The following MLLT3 variants were observed in gnomAD, a reference collection of about 807,000 sequenced individuals.
MLLT3 encodes protein AF-9.
MLLT3 carries 4 observed loss-of-function variants against 53.2 expected under a neutral mutation model. That is an observed-to-expected ratio of 0.08 (90% confidence interval 0.04 to 0.17). The LOEUF (loss-of-function observed/expected upper bound fraction) is 0.17. Among genes scored for constraint, MLLT3 ranks in the 10% least tolerant of loss-of-function variants. The probability of loss-of-function intolerance (pLI) is 1.00; values close to 1 mark genes in which losing one functional copy is unlikely to be tolerated. For synonymous variants in MLLT3, 283 were observed against 230.6 expected, an observed-to-expected ratio of 1.23 and a Z score of -2.06; for missense variants, 569 against 684.0, an observed-to-expected ratio of 0.83 and a Z score of 1.87.
chr9:20,575,226 T>A (rs974318154), intron 2 of MLLT3, among the ~76,000 whole-genome samples: 6 of 152,190 alleles, frequency 3.9e-5, no homozygotes, highest in African/African-American at 1.2e-4. Context: ...CCTCCTCCAA[T>A]GAATCACAAA....
At chr9:20,430,093 C>A (rs887979460) in intron 4 of MLLT3, among the ~76,000 whole-genome samples, 2 of 151,880 alleles carry the variant, frequency 1.3e-5, no homozygotes, top group Non-Finnish European at 2.9e-5. Context: ...ACATCAGGAA[C>A]AAACAGGAAA....
intron 2 of MLLT3, among the ~76,000 whole-genome samples, chr9:20,474,541 A>G (rs544637527): frequency 1.3e-5 from 2 of 152,186 alleles, no homozygotes; most frequent in Admixed American, 6.6e-5. Context: ...TCTACCACCA[A>G]AAGACTCTGC....
chr9:20,510,082 A>G (rs1305835959), intron 2 of MLLT3, among the ~76,000 whole-genome samples: 1 of 152,178 alleles, frequency 6.6e-6, no homozygotes, highest in Non-Finnish European at 1.5e-5. Flanking sequence ...GATAAATATT[A>G]AATATTTCTG....
intron 4 of MLLT3, among the ~76,000 whole-genome samples, chr9:20,425,381 G>T (rs1275883498): frequency 6.6e-6 from 1 of 152,136 alleles, no homozygotes; most frequent in African/African-American, 2.4e-5. Context: ...GGTTCAGGAA[G>T]ATTAGAACAT....
chr9:20,371,212 T>C (rs934320439), intron 5 of MLLT3, among the ~76,000 whole-genome samples: 8 of 152,300 alleles, frequency 5.3e-5, no homozygotes, highest in African/African-American at 1.9e-4. Flanking sequence ...CTCTGTAACA[T>C]AAAAGTGCAA....
At chr9:20,401,824 G>T (rs1822464401) in intron 5 of MLLT3, among the ~76,000 whole-genome samples, 1 of 152,118 alleles carries the variant, frequency 6.6e-6, no homozygotes, top group Non-Finnish European at 1.5e-5. Context: ...TAAACATTCT[G>T]TTAGAAGAAT....
intron 5 of MLLT3, among the ~76,000 whole-genome samples, chr9:20,391,483 G>C (rs886720526): frequency 1.3e-5 from 2 of 152,154 alleles, no homozygotes; most frequent in African/African-American, 2.4e-5. Flanking sequence ...CATGAAACCA[G>C]AAAGCCCTCA....
chr9:20,369,928 G>C (rs1420021552), intron 5 of MLLT3, among the ~76,000 whole-genome samples: 1 of 152,168 alleles, frequency 6.6e-6, no homozygotes, highest in East Asian at 1.9e-4. Context: ...ATGTGTGAAT[G>C]CTAAACCAAA....
intron 8 of MLLT3, among the ~76,000 whole-genome samples, chr9:20,357,740 A>G (rs191101884): frequency 6.1e-4 from 93 of 152,288 alleles, no homozygotes; most frequent in East Asian, 2.9e-3. Context: ...TCCCTGGAAG[A>G]TTTGAGAAAA....
intron 2 of MLLT3, among the ~76,000 whole-genome samples, chr9:20,538,638 G>A (rs1818545325): frequency 6.6e-6 from 1 of 152,104 alleles, no homozygotes; most frequent in African/African-American, 2.4e-5. Flanking sequence ...CCCAGAAAGA[G>A]AAAATGAATA....
At chr9:20,511,640 TA>T (rs766863406) in intron 2 of MLLT3, among the ~76,000 whole-genome samples, 5 of 152,178 alleles carry the variant, frequency 3.3e-5, no homozygotes, top group Non-Finnish European at 7.3e-5. Context: ...AGCCTATGAA[TA>T]GCCACTGTAC....
At chr9:20,465,375 GTTACTTTTA>G (rs1824209661) in intron 2 of MLLT3, among the ~76,000 whole-genome samples, 1 of 152,014 alleles carries the variant, frequency 6.6e-6, no homozygotes, top group Admixed American at 6.5e-5. Context: ...CTGTATGAGA[GTTACTTTTA>G]AATACGCTAC....
chr9:20,509,948 C>T (rs2118958495), intron 2 of MLLT3, among the ~76,000 whole-genome samples: 1 of 151,274 alleles, frequency 6.6e-6, no homozygotes, highest in South Asian at 2.1e-4. Flanking sequence ...AGCTCAGGTT[C>T]TTCATAAAGA....
At chr9:20,611,243 G>A (rs1820695354) in intron 2 of MLLT3, among the ~76,000 whole-genome samples, 2 of 152,026 alleles carry the variant, frequency 1.3e-5, no homozygotes, top group South Asian at 2.1e-4. Flanking sequence ...CTTGGAGGGA[G>A]GCAGGGGAAA....
chr9:20,377,551 G>A (rs1484439774), intron 5 of MLLT3, among the ~76,000 whole-genome samples: 1 of 152,048 alleles, frequency 6.6e-6, no homozygotes, highest in Admixed American at 6.6e-5. Flanking sequence ...ATTTTGACAA[G>A]ACATTTAACT....
At chr9:20,450,587 T>G (rs1186320441) in intron 3 of MLLT3, among the ~76,000 whole-genome samples, 1 of 152,180 alleles carries the variant, frequency 6.6e-6, no homozygotes, top group Non-Finnish European at 1.5e-5. Context: ...TCACAAGTAG[T>G]GCTCCCCACA....
intron 2 of MLLT3, among the ~76,000 whole-genome samples, chr9:20,567,352 A>G (rs1819405872): frequency 6.6e-6 from 1 of 150,684 alleles, no homozygotes; most frequent in African/African-American, 2.4e-5. Flanking sequence ...ACCAATTAAT[A>G]TGCAACTCAA....
At chr9:20,564,931 G>A (rs1819310172) in intron 2 of MLLT3, among the ~76,000 whole-genome samples, 1 of 152,108 alleles carries the variant, frequency 6.6e-6, no homozygotes, top group Non-Finnish European at 1.5e-5. Flanking sequence ...CACACGGTAT[G>A]GGTAGCACTT....
At chr9:20,365,032 A>G (rs1419262858) in intron 6 of MLLT3, among the ~76,000 whole-genome samples, 1 of 152,236 alleles carries the variant, frequency 6.6e-6, no homozygotes, top group African/African-American at 2.4e-5. Flanking sequence ...TAGAAAAAAA[A>G]TATGTCCAGG....
Sources: gnomAD v4.1 joint callset for allele counts (sites outside exome capture counted in the v4.1 genomes callset) on GRCh38, gnomAD v4.1.1 for gene constraint, MANE v1.5 for transcripts, NCBI Gene and HGNC (gene_info 2026-07-23, HGNC 2026-07-21) for gene names.